Variants in VRK2 observed in about 807,000 individuals in gnomAD.
VRK2 encodes the protein VRK serine/threonine kinase 2.
In VRK2, 60 loss-of-function variants were observed where a neutral mutation model predicts 57.6. That is an observed-to-expected ratio of 1.04 (90% CI 0.85 to 1.29). The LOEUF (loss-of-function observed/expected upper bound fraction) is 1.29. VRK2 is among the 50% of genes most tolerant of loss of function. The pLI is 0.00. For synonymous variants in VRK2, 231 were observed against 199.2 expected (o/e 1.16, Z -1.35); for missense variants, 705 against 588.1 (o/e 1.20, Z -2.06).
At chr2:58,080,448 G>A (rs561377874) in intron 2 of VRK2, among the ~76,000 whole-genome samples, 1 of 151,770 alleles carries the variant, frequency 6.6e-6, no homozygotes, top group Non-Finnish European at 1.5e-5. Flanking sequence ...TTATGGGACT[G>A]TATTAAAATC....
In VRK2 at chr2:57,991,539, C is replaced by A. The variant is rs115846156; in HGVS notation, c.-438-34126C>A. ...TACTCACCCTGTAGCATTTACCGAA[C>A]CAGGGTCCAAAGAATGTTCATAGAC... is the stretch of plus-strand genomic sequence containing the variant. On this transcript the variant is annotated intron_variant, in intron 1 of 15. Transcript: ENST00000417641. Among the ~76,000 whole-genome samples the A allele has an allele frequency of 6.2e-3, 944 of 152,158 alleles. 7 individuals carry two copies. Among genetic ancestry groups the A allele is most frequent in the Non-Finnish European group, 0.01 (684 of 67,998 alleles).
intron 7 of VRK2, among the ~76,000 whole-genome samples, chr2:58,106,183 A>G (rs1674727215): frequency 6.6e-6 from 1 of 152,022 alleles, no homozygotes; most frequent in East Asian, 1.9e-4. Flanking sequence ...TTTTCTTATA[A>G]TCCTTGAGAA....
intron 2 of VRK2, among the ~76,000 whole-genome samples, chr2:58,026,174 T>C (rs1233092163): frequency 5.9e-5 from 9 of 152,122 alleles, no homozygotes; most frequent in African/African-American, 2.2e-4. Context: ...GAAAATTGCC[T>C]AGCACATTGT....
At chr2:58,157,963 G>A (rs1313777219) in intron 12 of VRK2, among the ~76,000 whole-genome samples, 1 of 152,148 alleles carries the variant, frequency 6.6e-6, no homozygotes, top group Admixed American at 6.5e-5. Context: ...ATCCTAATCA[G>A]ACCCCCTCAG....
At chr2:58,055,878 T>C (rs1326993500) in intron 2 of VRK2, among the ~76,000 whole-genome samples, 1 of 152,212 alleles carries the variant, frequency 6.6e-6, no homozygotes, top group East Asian at 1.9e-4. Context: ...GAAAATCTTC[T>C]GAGTTTTCTA....
In VRK2 at chr2:58,146,373, GA is replaced by G. The variant is rs768472226; in HGVS notation, c.1089del (p.Val364SerfsTer21). 1.2e-5 allele frequency: 20 copies of G among 1,610,310 alleles called. No homozygotes were observed. Among genetic ancestry groups the G allele is most frequent in the Middle Eastern group, 1.7e-4 (1 of 6,050 alleles). On this transcript the variant is annotated frameshift_variant, in exon 12 of 13. Coordinates refer to ENST00000340157, the MANE Select transcript of VRK2 (RefSeq NM_006296.7). LOFTEE classifies it high-confidence loss of function. ...CAACAAGGCACACAATAGGTTAATC[GA>G]AAAAAAAGTCCACAGTGAGAGAAGC... ...QVNKAHNRLI[E>X]KKVHSERSAE...
rs190432133 is a variant in VRK2 at position 57,966,896 on chromosome 2, A to C, written c.-438-58769A>C. On this transcript the variant is annotated intron_variant, in intron 1 of 15. Coordinates refer to the VRK2 transcript ENST00000417641. ...ACGAACCTTTTACTTATCCCAGTAG[A>C]ATGGTTAGTAGTGAACCAGACAGTA... Among the ~76,000 whole-genome samples, 126 of 152,282 alleles carry C rather than the reference A, an allele frequency of 8.3e-4. 3 individuals carry two copies. In the South Asian group the frequency reaches 0.01, roughly 13 times the overall value.
chr2:58,127,342 G>T (rs1383093718), intron 8 of VRK2, among the ~76,000 whole-genome samples: 2 of 152,010 alleles, frequency 1.3e-5, no homozygotes, highest in African/African-American at 4.8e-5. Context: ...TTTTGATTGG[G>T]TTAAGAATAC....
At chr2:57,911,754 C>T (rs565364583) in intron 1 of VRK2, among the ~76,000 whole-genome samples, 52 of 152,246 alleles carry the variant, frequency 3.4e-4, no homozygotes, top group Middle Eastern at 3.4e-3. Flanking sequence ...TAATTACCGA[C>T]AAATGGACTG....
chr2:58,007,800 A>C (rs1262835730), intron 1 of VRK2, among the ~76,000 whole-genome samples: 1 of 152,132 alleles, frequency 6.6e-6, no homozygotes, highest in Non-Finnish European at 1.5e-5. Context: ...AGAAAACTTT[A>C]AAATAAAATT....
At chr2:57,992,257 G>A (rs1407370870) in intron 1 of VRK2, among the ~76,000 whole-genome samples, 1 of 152,150 alleles carries the variant, frequency 6.6e-6, no homozygotes, top group Non-Finnish European at 1.5e-5. Context: ...TGTTGCCTCA[G>A]TAATTACTGC....
intron 1 of VRK2, among the ~76,000 whole-genome samples, chr2:57,951,611 A>T (rs1270391510): frequency 6.6e-6 from 1 of 152,224 alleles, no homozygotes; most frequent in Admixed American, 6.5e-5. Context: ...TCTTATTTGA[A>T]GAAATTGCCA....
intron 2 of VRK2, among the ~76,000 whole-genome samples, chr2:58,030,347 A>G (rs1477895166): frequency 6.6e-6 from 1 of 152,050 alleles, no homozygotes; most frequent in Non-Finnish European, 1.5e-5. Flanking sequence ...CCTGAATGGT[A>G]CTGCCTAGAT....
intron 2 of VRK2, among the ~76,000 whole-genome samples, chr2:58,081,927 T>C (rs1670941728): frequency 6.6e-6 from 1 of 150,604 alleles, no homozygotes; most frequent in Admixed American, 6.7e-5. Flanking sequence ...CTAGCTATAA[T>C]GGGGCTTGGC....
chr2:57,978,293 TAGTC>T (rs1672310501), intron 1 of VRK2, among the ~76,000 whole-genome samples: 1 of 151,028 alleles, frequency 6.6e-6, no homozygotes, highest in African/African-American at 2.5e-5. Flanking sequence ...CAGATGGACA[TAGTC>T]AGAAACAATT....
intron 1 of VRK2, among the ~76,000 whole-genome samples, chr2:57,964,509 G>GA (rs751424375): frequency 1.6e-4 from 25 of 151,748 alleles, no homozygotes; most frequent in Non-Finnish European, 2.4e-4. Context: ...AATTTGTATT[G>GA]AAAAAAAATC....
At chr2:58,104,446 G>A (rs1049007278) in intron 7 of VRK2, among the ~76,000 whole-genome samples, 6 of 149,530 alleles carry the variant, frequency 4.0e-5, no homozygotes, top group African/African-American at 7.6e-5. Flanking sequence ...AAATCGAAAA[G>A]GCAATTTTAT....
At chr2:58,159,917 G>T, downstream of VRK2, 1 of 1,539,770 alleles carries the variant, frequency 6.5e-7, no homozygotes, top group Non-Finnish European at 8.7e-7. Flanking sequence ...AAACACTTCT[G>T]AAGTTTCAGA....
At chr2:58,084,231 T>C (rs576667886) in intron 3 of VRK2, 93 bp downstream of exon 3, 12 of 1,300,474 alleles carry the variant, frequency 9.2e-6, no homozygotes, top group African/African-American at 1.5e-5. Flanking sequence ...TTGTAACTAT[T>C]GCCTTATCAG....
Sources: allele counts gnomAD v4.1 joint callset (sites outside exome capture counted in the v4.1 genomes callset), GRCh38; gene constraint gnomAD v4.1.1; transcripts MANE v1.5; gene names NCBI Gene and HGNC (gene_info 2026-07-23, HGNC 2026-07-21).